Variants in ANTXR1 observed in about 807,000 individuals in gnomAD.
The protein encoded by ANTXR1 is anthrax toxin receptor 1.
In ANTXR1, 19 loss-of-function variants were observed where a neutral mutation model predicts 78.1. The ratio of observed to expected loss-of-function variants is 0.24; its 90% CI spans 0.17 to 0.36. The LOEUF (loss-of-function observed/expected upper bound fraction) is 0.36. Among genes scored for constraint, ANTXR1 ranks in the 10% least tolerant of loss-of-function variants. ANTXR1 has a pLI of 1.00. For missense variants in ANTXR1, 518 were observed against 718.6 expected (o/e 0.72, Z 3.19); for synonymous variants, 273 against 260.5 (o/e 1.05, Z -0.46).
At chr2:69,056,123 T>C (rs1302021556) in intron 3 of ANTXR1, among the ~76,000 whole-genome samples, 1 of 152,242 alleles carries the variant, frequency 6.6e-6, no homozygotes, top group Non-Finnish European at 1.5e-5. Context: ...GAAACATTTC[T>C]GTTGTCTGGA....
intron 14 of ANTXR1, among the ~76,000 whole-genome samples, chr2:69,178,217 C>T (rs372651277): frequency 6.6e-6 from 1 of 152,336 alleles, no homozygotes; most frequent in South Asian, 2.1e-4. Flanking sequence ...AAAGACACAT[C>T]AAAGATTCCC....
chr2:69,171,640 G>A (rs912366540), intron 14 of ANTXR1, among the ~76,000 whole-genome samples: 2 of 152,128 alleles, frequency 1.3e-5, no homozygotes, highest in Non-Finnish European at 2.9e-5. Flanking sequence ...AGAAGGTGAC[G>A]TGGCAGCCAT....
In ANTXR1 at chr2:69,179,972, AAGAG is replaced by A. The variant is rs1181270853; in HGVS notation, c.1090-1804_1090-1801del. Among the ~76,000 whole-genome samples the A allele has an allele frequency of 4.6e-5, 7 of 152,100 alleles. 1 individual carries two copies. The highest frequency in any genetic ancestry group is 1.4e-4 in the African/African-American group (6 of 41,426). ...AGAATCTGAGAGCGAGCAACCAAGT[AAGAG>A]AGAGAGAGACACCCAAGTGTCAGCT... On this transcript the variant is annotated intron_variant, in intron 14 of 17. Coordinates refer to ENST00000303714, the MANE Select transcript of ANTXR1 (RefSeq NM_032208.3).
chr2:69,211,083 G>T (rs758882341), intron 17 of ANTXR1, among the ~76,000 whole-genome samples: 6 of 152,178 alleles, frequency 3.9e-5, no homozygotes, highest in Non-Finnish European at 8.8e-5. Context: ...CAGAGAGGAG[G>T]TGTTACCTAA....
At chr2:69,099,467 T>G (rs1671540902) in intron 9 of ANTXR1, among the ~76,000 whole-genome samples, 1 of 152,224 alleles carries the variant, frequency 6.6e-6, no homozygotes, top group Non-Finnish European at 1.5e-5. Context: ...TGTCTAGGAA[T>G]GGAATTTGGG....
chr2:69,051,013 T>A (rs1044533939), intron 3 of ANTXR1, among the ~76,000 whole-genome samples: 2 of 152,140 alleles, frequency 1.3e-5, no homozygotes, highest in African/African-American at 4.8e-5. Context: ...TTGCCCGGTG[T>A]GGTGACTCAC....
intron 3 of ANTXR1, among the ~76,000 whole-genome samples, chr2:69,064,630 G>A (rs1040121995): frequency 6.6e-6 from 1 of 152,162 alleles, no homozygotes; most frequent in Non-Finnish European, 1.5e-5. Context: ...TATAAATATG[G>A]TGATAGATTA....
intron 16 of ANTXR1, 142 bp from the exon 17 acceptor site, chr2:69,193,191 CAG>C: frequency 1.4e-6 from 1 of 723,008 alleles, no homozygotes; most frequent in Non-Finnish European, 2.6e-6. Flanking sequence ...TAAGGGACTG[CAG>C]AGTCACTAAT....
At chr2:69,032,402 T>C (rs941371719) in intron 1 of ANTXR1, among the ~76,000 whole-genome samples, 1 of 151,626 alleles carries the variant, frequency 6.6e-6, no homozygotes. Context: ...TTTCCAACAA[T>C]GGACCTGCTG....
chr2:69,154,248 G>T (rs897231541), intron 13 of ANTXR1, among the ~76,000 whole-genome samples: 2 of 152,164 alleles, frequency 1.3e-5, no homozygotes, highest in African/African-American at 2.4e-5. Flanking sequence ...TCTTAATGTG[G>T]TCTGACTTTG....
intron 9 of ANTXR1, among the ~76,000 whole-genome samples, chr2:69,099,725 G>A (rs566401834): frequency 1.3e-5 from 2 of 152,234 alleles, no homozygotes; most frequent in South Asian, 2.1e-4. Context: ...ACCTTATTAA[G>A]CCTCAGAAAA....
chr2:69,151,788 G>A (rs908124286), intron 12 of ANTXR1, among the ~76,000 whole-genome samples: 2 of 152,190 alleles, frequency 1.3e-5, no homozygotes, highest in African/African-American at 2.4e-5. Context: ...TCCTGAGTCA[G>A]CCCAGGCAGA....
intron 1 of ANTXR1, among the ~76,000 whole-genome samples, chr2:69,034,023 A>C (rs1378593313): frequency 6.6e-6 from 1 of 152,042 alleles, no homozygotes; most frequent in Admixed American, 6.5e-5. Context: ...TTTTGCTTCT[A>C]CTCTTTGCAT....
chr2:69,231,107 T>TC (rs1168517369), intron 17 of ANTXR1, among the ~76,000 whole-genome samples: 1 of 152,240 alleles, frequency 6.6e-6, no homozygotes, highest in African/African-American at 2.4e-5. Flanking sequence ...GGCCTCCAGC[T>TC]CCATCCATGT....
At chr2:69,165,150 TACTC>T (rs1283195910) in intron 13 of ANTXR1, among the ~76,000 whole-genome samples, 1 of 152,256 alleles carries the variant, frequency 6.6e-6, no homozygotes, top group African/African-American at 2.4e-5. Flanking sequence ...GTGATTCTGA[TACTC>T]AATAAAGTTT....
chr2:69,100,187 A>G (rs565123563), intron 9 of ANTXR1, among the ~76,000 whole-genome samples: 77 of 152,330 alleles, frequency 5.1e-4, no homozygotes, highest in Admixed American at 2.9e-3. Flanking sequence ...TCCTGGTTCT[A>G]ATGTGTCCTG....
intron 1 of ANTXR1, among the ~76,000 whole-genome samples, chr2:69,016,669 A>C (rs1671034037): frequency 6.6e-6 from 1 of 152,222 alleles, no homozygotes; most frequent in Admixed American, 6.5e-5. Flanking sequence ...AGTTAAACAC[A>C]CACATGTGTA....
At chr2:69,178,639 G>C (rs1406557958) in intron 14 of ANTXR1, among the ~76,000 whole-genome samples, 8 of 152,190 alleles carry the variant, frequency 5.3e-5, no homozygotes, top group Non-Finnish European at 7.4e-5. Context: ...CCTGGAAAGC[G>C]GGGAAACCGG....
intron 17 of ANTXR1, among the ~76,000 whole-genome samples, chr2:69,232,164 C>A (rs1675615170): frequency 6.6e-6 from 1 of 152,016 alleles, no homozygotes; most frequent in African/African-American, 2.4e-5. Flanking sequence ...CTCACAACCA[C>A]CCTTGGACTT....
Sources: allele counts gnomAD v4.1 joint callset (sites outside exome capture counted in the v4.1 genomes callset), GRCh38; gene constraint gnomAD v4.1.1; transcripts MANE v1.5; gene names NCBI Gene and HGNC (gene_info 2026-07-23, HGNC 2026-07-21).